DHX34: variants seen among roughly 807,000 people sequenced by gnomAD.
DHX34 encodes the protein DExH-box helicase 34.
Under a neutral mutation model 111.1 loss-of-function variants are expected in DHX34, and 96 were observed. That is an observed-to-expected ratio of 0.86 (90% CI 0.73 to 1.02). The LOEUF is 1.02. DHX34 is among the 50% of genes least tolerant of loss of function. The pLI is 0.00. For missense variants in DHX34, 1,560 were observed against 1,579.9 expected, an observed-to-expected ratio of 0.99 and a Z score of 0.21; for synonymous variants, 688 against 670.4, an observed-to-expected ratio of 1.03 and a Z score of -0.41.
intron 5 of DHX34, 122 bp downstream of exon 5, chr19:47,360,192 T>C: frequency 2.4e-6 from 2 of 847,672 alleles, no homozygotes; most frequent in South Asian, 3.3e-5. Flanking sequence ...GACTTTCCCA[T>C]ATCCAAAATG....
chr19:47,373,611 C>T lies in DHX34; in HGVS notation c.1975C>T (p.Arg659Trp), dbSNP rs761742358. 1.2e-5 allele frequency: 20 copies of T among 1,613,630 alleles called. No individual in the cohort carries two copies. Among genetic ancestry groups the T allele is most frequent in the Admixed American group, 5.0e-5 (3 of 59,988 alleles). Residue 659 changes from arginine to tryptophan, a missense_variant, in exon 9 of 17, where the codon CGG (arginine) becomes TGG (tryptophan). Transcript: ENST00000328771. ...CTCCTCCACCCAGGTGAAATCTGAA[C>T]GGAGCAGAAACTCTCGCAAGTGGTG... is the stretch of plus-strand genomic sequence containing the variant. The part of the protein sequence containing the change: ...FNAWVQVKSE[R>W]SRNSRKWCRR...
intron 1 of DHX34, among the ~76,000 whole-genome samples, chr19:47,350,275 C>T (rs1380749525): frequency 1.3e-5 from 2 of 152,070 alleles, no homozygotes; most frequent in Non-Finnish European, 2.9e-5. Context: ...TGGTGACTCA[C>T]TCCTGTCATC....
intron 13 of DHX34, among the ~76,000 whole-genome samples, chr19:47,377,613 G>A (rs996853475): frequency 6.4e-5 from 9 of 140,676 alleles, no homozygotes; most frequent in Middle Eastern, 3.5e-3. Flanking sequence ...AGAGGAGAGC[G>A]TGTGGATCTC....
chr19:47,353,576 A>C lies in DHX34; in HGVS notation c.546A>C (p.Val182=). ...CGCTGAAGGAGCACCAGGTGGTGGT[A>C]GTGGCCGGTGACACCGGCTGTGGCA... ...LQTLKEHQVV[V]VAGDTGCGKS... is the part of the protein sequence containing the mutation. Residue 182 remains valine (V), a synonymous_variant, in exon 2 of 17, where the codon GTA becomes GTC. Transcript: ENST00000328771. The surrounding 1 kb of genome is among the most constrained non-coding windows in gnomAD (Gnocchi z 4.6). 6.2e-7 allele frequency: 1 copy of C among 1,613,300 alleles called. No individual in the cohort carries two copies. The highest frequency in any genetic ancestry group is 8.5e-7 in the Non-Finnish European group (1 of 1,180,032).
intron 12 of DHX34, 115 bp downstream of exon 12, chr19:47,376,675 G>A (rs549641119): frequency 1.7e-5 from 25 of 1,470,806 alleles, no homozygotes; most frequent in African/African-American, 1.1e-4. Context: ...TGGTATTGAC[G>A]GGGGCCCACA....
rs1242721298 is a variant in DHX34 at position 47,381,267 on chromosome 19, C to G, written c.3241C>G (p.Leu1081Val). ...TGGCCTGCATGCGCCCCTCACGCCC[C>G]TGGAGCGCATCGCCCATGAGAACAC... Reference protein sequence around the residue: ...HCGLHAPLTPLERIAHENTCP... With the variant: ...HCGLHAPLTPVERIAHENTCP... Residue 1081 changes from leucine (L) to valine (V), a missense_variant, in exon 16 of 17, where the codon CTG becomes GTG. Coordinates refer to ENST00000328771, the MANE Select transcript of DHX34 (RefSeq NM_014681.6). 1.2e-6 allele frequency: 2 copies of G among 1,614,052 alleles called. No individual in the cohort carries two copies. Among genetic ancestry groups the G allele is most frequent in the Non-Finnish European group, 1.7e-6 (2 of 1,179,944 alleles).
chr19:47,380,263 A>G (rs1352622431), intron 14 of DHX34, among the ~76,000 whole-genome samples: 1 of 152,136 alleles, frequency 6.6e-6, no homozygotes, highest in Non-Finnish European at 1.5e-5. Context: ...TCTTGCTAAC[A>G]GTAAAGGACA....
intron 7 of DHX34, among the ~76,000 whole-genome samples, chr19:47,372,158 C>T (rs1047908593): frequency 2.0e-5 from 3 of 151,824 alleles, no homozygotes; most frequent in African/African-American, 7.3e-5. Context: ...AGCCCCTGCC[C>T]CATCTTTCTC....
In DHX34 at chr19:47,381,324, G is replaced by A; in HGVS notation, c.3298G>A (p.Gly1100Arg). ...CPQAPQDGPP[G>R]AEEAALETLQ... ...CCAGGCCCCACAGGATGGGCCCCCA[G>A]GTAAGCACAGGACTGTGGGGACCCG... Residue 1100 changes from glycine to arginine, a missense_variant and splice_region_variant, in exon 16 of 17, where the codon GGG (glycine) becomes AGG (arginine). Transcript: ENST00000328771. 1 of 1,613,026 alleles carries A rather than the reference G, an allele frequency of 6.2e-7. No homozygotes were observed. The highest frequency in any genetic ancestry group is 8.5e-7 in the Non-Finnish European group (1 of 1,179,458).
intron 1 of DHX34, among the ~76,000 whole-genome samples, chr19:47,351,165 C>CTTTTTCT (rs1214947831): frequency 6.2e-5 from 8 of 128,122 alleles, no homozygotes; most frequent in Non-Finnish European, 3.4e-5. Flanking sequence ...CTCTCATTTT[C>CTTTTTCT]TTTTTCTTTT....
chr19:47,373,399 C>T, intron 8 of DHX34, 200 bp from the exon 9 acceptor site: 1 of 860,920 alleles, frequency 1.2e-6, no homozygotes, highest in Non-Finnish European at 1.4e-6. Context: ...GGGGCTGGGA[C>T]AACCCAGCGG....
intron 8 of DHX34, 68 bp downstream of exon 8, chr19:47,372,991 C>A: frequency 6.7e-7 from 1 of 1,483,402 alleles, no homozygotes; most frequent in Non-Finnish European, 8.9e-7. Context: ...GTGGCTGTGG[C>A]TCCTCCTCGT....
rs1174314815 is a variant in DHX34, at chr19:47,380,952, G to C, written c.3119G>C (p.Gly1040Ala). The change falls in exon 15 of 17, where the codon GGC becomes GCC. Residue 1040 changes from glycine (G) to alanine (A), a missense_variant. By Grantham distance (60) the Gly-to-Ala change is moderately conservative. Coordinates refer to ENST00000328771, the MANE Select transcript of DHX34 (RefSeq NM_014681.6). Reference sequence around the variant, plus strand: ...CTGTCCCCCCACCCCACAAAGGGGGGCTACGCAGTCACTGACTTCCTCACC... The same window carrying C: ...CTGTCCCCCCACCCCACAAAGGGGGCCTACGCAGTCACTGACTTCCTCACC... ...STLSPHPTKGGYAVTDFLTYN... is the reference protein window; with the variant it reads ...STLSPHPTKGAYAVTDFLTYN... 1.2e-6 allele frequency: 2 copies of C among 1,600,376 alleles called. No homozygotes were observed. The highest frequency in any genetic ancestry group is 3.5e-5 in the Admixed American group (2 of 57,084).
chr19:47,381,446 C>CA, intron 16 of DHX34, 122 bp downstream of exon 16: 1 of 1,390,746 alleles, frequency 7.2e-7, no homozygotes, highest in Non-Finnish European at 9.6e-7. Context: ...CACCCGCTGG[C>CA]CCTGGCTGGT....
rs188415929 is a variant in DHX34, at chr19:47,382,484, T to C, written c.*371T>C. The C allele has an allele frequency of 2.2e-3, 488 of 225,812 alleles. 4 individuals carry two copies. Among genetic ancestry groups the C allele is most frequent in the South Asian group, 2.3e-3 (37 of 16,422 alleles). The allele number at this position is 225,812 out of a possible 1,614,324, so 14.0% of individuals were successfully genotyped here. A position where few individuals can be genotyped will look rare whatever the true frequency, so the allele number is the denominator to read the frequency against. On this transcript the variant is annotated 3_prime_UTR_variant, in exon 17 of 17. Coordinates refer to ENST00000328771, the MANE Select transcript of DHX34 (RefSeq NM_014681.6). ...ACCTCCGCAGCCGCTCTCTCTTGAG[T>C]CCATCCTCAGTCTCTCCTACCCCTT...
chr19:47,381,961 C>T lies in DHX34; in HGVS notation c.3299-19C>T, dbSNP rs1397542100. 1.1e-5 allele frequency: 18 copies of T among 1,613,890 alleles called. No homozygotes were observed. The highest frequency in any genetic ancestry group is 1.4e-5 in the Non-Finnish European group (17 of 1,179,946). On this transcript the variant is annotated intron_variant, in intron 16 of 16. Transcript: ENST00000328771. ...CACTGGAACACGCCCCTCACAGCCT[C>T]CTCCTTTTCCTCCCTTAGGGGCTGA...
At chr19:47,352,227 G>GTTATCACAGTCCCCATCACTGGA (rs1969308623) in intron 1 of DHX34, among the ~76,000 whole-genome samples, 2 of 152,170 alleles carry the variant, frequency 1.3e-5, no homozygotes, top group African/African-American at 4.8e-5. Flanking sequence ...CTAGGATTCT[G>GTTATCACAGTCCCCATCACTGGA]TTATCACAGT....
chr19:47,372,024 T>G (rs1285141412), intron 7 of DHX34, among the ~76,000 whole-genome samples: 1 of 150,444 alleles, frequency 6.6e-6, no homozygotes, highest in South Asian at 2.2e-4. Flanking sequence ...TGTGGAGCGC[T>G]CACAGATGGA....
chr19:47,349,895 G>A (rs1969232313), intron 1 of DHX34, among the ~76,000 whole-genome samples: 1 of 152,136 alleles, frequency 6.6e-6, no homozygotes, highest in Non-Finnish European at 1.5e-5. Context: ...GGAGATAATG[G>A]AGAACGATGC....
Sources: gnomAD v4.1 joint callset for allele counts (sites outside exome capture counted in the v4.1 genomes callset) on GRCh38, gnomAD v4.1.1 for gene constraint, Gnocchi (gnomAD v3.1) non-coding constraint, MANE v1.5 for transcripts, NCBI Gene and HGNC (gene_info 2026-07-23, HGNC 2026-07-21) for gene names.